ITGBL1: variants seen among roughly 807,000 people sequenced by gnomAD.
ITGBL1 encodes the protein integrin beta-like protein 1.
In ITGBL1, 51 loss-of-function variants were observed where a neutral mutation model predicts 68.5. That is an observed-to-expected ratio of 0.74 (90% confidence interval 0.59 to 0.94). ITGBL1 has a LOEUF of 0.94. Ranked by LOEUF, ITGBL1 falls within the 40% of genes least tolerant of loss-of-function variation. The pLI is 0.00. For missense variants in ITGBL1, 649 were observed against 647.4 expected (o/e 1.00, Z -0.03); for synonymous variants, 209 against 227.3 (o/e 0.92, Z 0.72).
intron 2 of ITGBL1, among the ~76,000 whole-genome samples, chr13:101,544,950 TA>T (rs2049792031): frequency 6.6e-6 from 1 of 152,198 alleles, no homozygotes; most frequent in Non-Finnish European, 1.5e-5. Flanking sequence ...TGCTGTCTTT[TA>T]TCCCTTTCTT....
chr13:101,567,593 A>G, intron 2 of ITGBL1, 106 bp from the exon 3 acceptor site: 3 of 1,042,032 alleles, frequency 2.9e-6, no homozygotes, highest in Admixed American at 2.5e-5. Flanking sequence ...GTTTCAATTT[A>G]TTATAGCTCA....
chr13:101,636,619 T>C (rs1196703260), intron 7 of ITGBL1, among the ~76,000 whole-genome samples: 2 of 152,176 alleles, frequency 1.3e-5, no homozygotes, highest in Non-Finnish European at 2.9e-5. Flanking sequence ...CACCAAGTTC[T>C]ACTCCTAGGT....
At chr13:101,557,250 T>C (rs1033706786) in intron 2 of ITGBL1, among the ~76,000 whole-genome samples, 1 of 152,238 alleles carries the variant, frequency 6.6e-6, no homozygotes, top group Non-Finnish European at 1.5e-5. Context: ...TTTTCAACAC[T>C]GGAAGGCATG....
chr13:101,509,217 A>AT (rs2049075449), intron 2 of ITGBL1, among the ~76,000 whole-genome samples: 1 of 152,070 alleles, frequency 6.6e-6, no homozygotes, highest in Non-Finnish European at 1.5e-5. Context: ...GGAAACTCCC[A>AT]TTTTTTAAAC....
chr13:101,633,188 G>A (rs534899332), intron 7 of ITGBL1, among the ~76,000 whole-genome samples: 32 of 152,148 alleles, frequency 2.1e-4, no homozygotes, highest in Non-Finnish European at 4.0e-4. Context: ...TATCACAGTT[G>A]GGACCACCGT....
intron 2 of ITGBL1, among the ~76,000 whole-genome samples, chr13:101,566,385 A>G (rs1293540978): frequency 2.0e-5 from 3 of 152,110 alleles, no homozygotes; most frequent in Non-Finnish European, 4.4e-5. Flanking sequence ...GACTGACAAT[A>G]TTTTGTAGGG....
At chr13:101,694,238 T>C (rs1380330784) in intron 8 of ITGBL1, among the ~76,000 whole-genome samples, 1 of 152,200 alleles carries the variant, frequency 6.6e-6, no homozygotes, top group Admixed American at 6.5e-5. Context: ...TAACCAGAAA[T>C]ACCTATGTAG....
chr13:101,691,550 G>T lies in ITGBL1; in HGVS notation c.1016-1035G>T, dbSNP rs1159346798. On this transcript the variant is annotated intron_variant, in intron 7 of 10. Transcript: ENST00000376180. The stretch of plus-strand genomic sequence containing the variant: ...TTTCAGTGGGTGTGTAATTATGATG[G>T]TTGGGCTAATGACAGGGAGTAACAG... Among the ~76,000 whole-genome samples, 3 of 152,282 alleles carry T rather than the reference G, an allele frequency of 2.0e-5. No homozygotes were observed. The East Asian group carries it at 5.8e-4, about 29-fold the overall frequency.
intron 7 of ITGBL1, among the ~76,000 whole-genome samples, chr13:101,602,336 G>A (rs945226006): frequency 1.3e-5 from 2 of 151,986 alleles, no homozygotes; most frequent in African/African-American, 4.8e-5. Flanking sequence ...GTACAAATTG[G>A]AGAAGGACAA....
At chr13:101,684,818 AATTATT>A (rs983084792) in intron 7 of ITGBL1, among the ~76,000 whole-genome samples, 2 of 151,904 alleles carry the variant, frequency 1.3e-5, no homozygotes, top group Non-Finnish European at 2.9e-5. Flanking sequence ...AGCACCAACC[AATTATT>A]ATTATTAAGT....
chr13:101,593,288 T>C (rs913491392), intron 6 of ITGBL1, among the ~76,000 whole-genome samples: 1 of 151,674 alleles, frequency 6.6e-6, no homozygotes, highest in African/African-American at 2.4e-5. Context: ...GCAAGGGAGG[T>C]AGAGAAGAGA....
At chr13:101,681,621 T>G (rs930305212) in intron 7 of ITGBL1, among the ~76,000 whole-genome samples, 9 of 152,170 alleles carry the variant, frequency 5.9e-5, no homozygotes, top group African/African-American at 2.2e-4. Context: ...TTGAAACCTG[T>G]GTCATGTGGA....
In ITGBL1 at chr13:101,684,703, T is replaced by G. The variant is rs369598911; in HGVS notation, c.1016-7882T>G. On this transcript the variant is annotated intron_variant, in intron 7 of 10. Transcript: ENST00000376180. ...ATGTCATCTTTTTATCCTTACCATA[T>G]TCTACCGACAAAGACATCTAGTGCA... is the stretch of plus-strand genomic sequence containing the variant. Among the ~76,000 whole-genome samples, 101 of 152,072 alleles carry G rather than the reference T, an allele frequency of 6.6e-4. 2 individuals are homozygous for G. In the South Asian group the frequency reaches 0.02, roughly 30 times the overall value.
At chr13:101,486,979 C>A (rs1469366297) in intron 2 of ITGBL1, among the ~76,000 whole-genome samples, 1 of 152,096 alleles carries the variant, frequency 6.6e-6, no homozygotes, top group African/African-American at 2.4e-5. Context: ...ATGTAAATAA[C>A]TACTTAAATA....
chr13:101,571,361 C>T (rs566256023), intron 3 of ITGBL1, among the ~76,000 whole-genome samples: 25 of 152,030 alleles, frequency 1.6e-4, no homozygotes, highest in Non-Finnish European at 2.9e-4. Flanking sequence ...GGTATGTAGT[C>T]GAATGACGTG....
At chr13:101,479,350 A>C (rs773806958) in intron 2 of ITGBL1, among the ~76,000 whole-genome samples, 5 of 152,100 alleles carry the variant, frequency 3.3e-5, no homozygotes, top group Non-Finnish European at 7.4e-5. Context: ...CAAACTAGGA[A>C]ACTACTAAAA....
intron 7 of ITGBL1, among the ~76,000 whole-genome samples, chr13:101,671,501 T>C (rs4771407): frequency 0.78 from 105,398 of 135,784 alleles, 41,171 homozygotes; most frequent in East Asian, 0.95. Flanking sequence ...TGCAGTGGCG[T>C]GATCTCGGCT....
intron 2 of ITGBL1, among the ~76,000 whole-genome samples, chr13:101,529,685 T>C (rs1398717897): frequency 6.6e-6 from 1 of 152,184 alleles, no homozygotes; most frequent in Non-Finnish European, 1.5e-5. Context: ...CATGCTGTTC[T>C]CATGATAGTG....
chr13:101,629,071 GT>G (rs2031891283), intron 7 of ITGBL1, among the ~76,000 whole-genome samples: 1 of 151,838 alleles, frequency 6.6e-6, no homozygotes, highest in Non-Finnish European at 1.5e-5. Flanking sequence ...TTTTTGTTTT[GT>G]TTAGTTGTTT....
Sources: gnomAD v4.1 joint callset for allele counts (sites outside exome capture counted in the v4.1 genomes callset) on GRCh38, gnomAD v4.1.1 for gene constraint, MANE v1.5 for transcripts, NCBI Gene and HGNC (gene_info 2026-07-23, HGNC 2026-07-21) for gene names.